Variants in GTF2IRD2 observed in about 807,000 individuals in gnomAD.
The protein encoded by GTF2IRD2 is GTF2I repeat domain containing 2, also known as general transcription factor II-I repeat domain-containing protein 2A.
A neutral mutation model predicts 49.2 loss-of-function variants in GTF2IRD2; 8 were observed. The ratio of observed to expected loss-of-function variants is 0.16; its 90% CI spans 0.10 to 0.29. The LOEUF (loss-of-function observed/expected upper bound fraction) is 0.29. Ranked by LOEUF, GTF2IRD2 falls within the 10% of genes least tolerant of loss-of-function variation. The probability of loss-of-function intolerance (pLI) is 1.00; values close to 1 mark genes in which losing one functional copy is unlikely to be tolerated. For synonymous variants in GTF2IRD2, 47 were observed against 289.7 expected (o/e 0.16, Z 8.51); for missense variants, 130 against 725.7 (o/e 0.18, Z 9.43).
chr7:74,812,578 G>T lies in GTF2IRD2; in HGVS notation c.748+161C>A, dbSNP rs587735497. On this transcript the variant is annotated intron_variant, in intron 9 of 15. Transcript: ENST00000451013. ...AGAGTACGTGGATTTAGGCTAAATAGAATCTATTTTATAACTGTAGGATTA... is the reference window on the plus strand; with the variant it reads ...AGAGTACGTGGATTTAGGCTAAATATAATCTATTTTATAACTGTAGGATTA... Among the ~76,000 whole-genome samples the T allele has an allele frequency of 4.9e-5, 4 of 82,012 alleles. 2 individuals carry two copies. In the South Asian group the frequency reaches 2.2e-3, roughly 46 times the overall value. 53.8% of individuals were successfully genotyped at this position (82,012 alleles called of 152,430 possible).
At chr7:74,800,221 T>C (rs1461417030) in intron 15 of GTF2IRD2, among the ~76,000 whole-genome samples, 15 of 142,414 alleles carry the variant, frequency 1.1e-4, no homozygotes, top group South Asian at 2.2e-4. Context: ...CTTTTCTTTT[T>C]TTTTTTTTTT....
At chr7:74,825,455 C>T (rs1465895674) in intron 3 of GTF2IRD2, among the ~76,000 whole-genome samples, 4 of 119,916 alleles carry the variant, frequency 3.3e-5, no homozygotes, top group African/African-American at 1.3e-4. Context: ...CTATGTTGCC[C>T]AGGCTGGCCT....
At chr7:74,841,520 T>C (rs2131813258) in intron 1 of GTF2IRD2, among the ~76,000 whole-genome samples, 2 of 133,622 alleles carry the variant, frequency 1.5e-5, no homozygotes, top group Admixed American at 1.4e-4. Flanking sequence ...CAGGCTGGAG[T>C]GCAGTGGCTT....
At position 74,806,511 on chromosome 7, in the gene GTF2IRD2, C is replaced by T. The variant is rs1408549756; in HGVS notation, c.949+423G>A. ...ATTTTTAGTAGAGACAGGGTTTCAC[C>T]GTGTTATCCAGGATGGTCTCGATCT... On this transcript the variant is annotated intron_variant, in intron 12 of 15. Coordinates refer to ENST00000451013, the MANE Select transcript of GTF2IRD2 (RefSeq NM_173537.5). Among the ~76,000 whole-genome samples the T allele has an allele frequency of 4.6e-5, 7 of 152,240 alleles. No homozygotes were observed. In the South Asian group the frequency reaches 6.2e-4, roughly 14 times the overall value.
intron 8 of GTF2IRD2, chr7:74,819,260 A>G (rs1373564374): frequency 3.3e-6 from 1 of 300,304 alleles, no homozygotes; most frequent in African/African-American, 2.7e-5. Context: ...TTGCTCTGTC[A>G]CCCAGGCTGG....
intron 11 of GTF2IRD2, among the ~76,000 whole-genome samples, chr7:74,808,152 A>AT (rs1554417389): frequency 1.6e-5 from 1 of 64,424 alleles, no homozygotes; most frequent in African/African-American, 3.6e-5. Context: ...CATGGCTGAT[A>AT]TTTTTGTTAG....
In GTF2IRD2 at chr7:74,841,495, T is replaced by A. The variant is rs1458381511; in HGVS notation, c.-5-5112A>T. ...GCTTTTTTATTTCTAAGAGTCAGAG[T>A]CTCACAATGTCACCCAGGCTGGAGT... On this transcript the variant is annotated intron_variant, in intron 1 of 15. Transcript: ENST00000451013. 1.5e-5 allele frequency among the ~76,000 whole-genome samples: 2 copies of A among 132,288 alleles called. 1 individual carries two copies. The highest frequency in any genetic ancestry group is 3.0e-5 in the Non-Finnish European group (2 of 65,874). The allele number at this position is 132,288 out of a possible 152,430, so 86.8% of individuals were successfully genotyped here.
chr7:74,845,635 C>CA (rs1554422411), intron 1 of GTF2IRD2, among the ~76,000 whole-genome samples: 1 of 151,814 alleles, frequency 6.6e-6, no homozygotes, highest in Non-Finnish European at 1.5e-5. Flanking sequence ...TTGTACATAA[C>CA]AACAAATGGA....
chr7:74,815,861 A>C (rs1333825010), intron 8 of GTF2IRD2, among the ~76,000 whole-genome samples: 1 of 105,366 alleles, frequency 9.5e-6, no homozygotes, highest in Non-Finnish European at 2.0e-5. Flanking sequence ...AAAGAAAGAA[A>C]GAAAGAGAAA....
Position 74,796,884 on chromosome 7 carries a change from C to G in GTF2IRD2, c.2628G>C (p.Thr876=). The change falls in exon 16 of 16, where the codon ACG becomes ACC. Residue 876 remains threonine (T), a synonymous_variant. Coordinates refer to ENST00000451013, the MANE Select transcript of GTF2IRD2 (RefSeq NM_173537.5). ...CCTTGTCGTATTTCGTCTTCAGGAC[C>G]GTGTTGCATTGCAGGTCGATAACCT... ...QMEVIDLQCN[T]VLKTKYDKVG... 3.1e-6 allele frequency: 2 copies of G among 637,262 alleles called. No individual in the cohort carries two copies. Among genetic ancestry groups the G allele is most frequent in the South Asian group, 1.5e-5 (1 of 66,580 alleles). 39.5% of individuals were successfully genotyped at this position (637,262 alleles called of 1,614,324 possible). A position where few individuals can be genotyped will look rare whatever the true frequency, so the allele number is the denominator to read the frequency against.
At chr7:74,826,419 CA>C (rs1799398360) in intron 3 of GTF2IRD2, among the ~76,000 whole-genome samples, 2 of 133,228 alleles carry the variant, frequency 1.5e-5, no homozygotes, top group Non-Finnish European at 3.2e-5. Flanking sequence ...GCCACTACAC[CA>C]GGCTCATTTT....
In GTF2IRD2 at chr7:74,796,298, T is replaced by C; in HGVS notation, c.*364A>G. Reference sequence around the variant, plus strand: ...TCATTTTGTCAGCTGGGCACAGTGGTTCATGCCTGTAATCCCAGCACTTTG... The same window carrying C: ...TCATTTTGTCAGCTGGGCACAGTGGCTCATGCCTGTAATCCCAGCACTTTG... On this transcript the variant is annotated 3_prime_UTR_variant, in exon 16 of 16. Transcript: ENST00000451013. 3.2e-6 allele frequency: 1 copy of C among 316,060 alleles called. No homozygotes were observed. The highest frequency in any genetic ancestry group is 6.1e-6 in the Non-Finnish European group (1 of 163,332). 19.6% of individuals were successfully genotyped at this position (316,060 alleles called of 1,614,324 possible). A position where few individuals can be genotyped will look rare whatever the true frequency, so the allele number is the denominator to read the frequency against.
At chr7:74,829,891 A>AAAACAAACAAAC (rs1176951187) in intron 3 of GTF2IRD2, among the ~76,000 whole-genome samples, 87,987 of 133,908 alleles carry the variant, frequency 0.66, 31,493 homozygotes, top group East Asian at 0.92. Context: ...CTGTCTCAAA[A>AAAACAAACAAAC]AAAAAAAAAA....
chr7:74,822,092 G>A (rs782775021), intron 6 of GTF2IRD2: 5 of 305,904 alleles, frequency 1.6e-5, no homozygotes, highest in Non-Finnish European at 3.1e-5. Context: ...AGTCGCCCAG[G>A]CTGGAGTGCA....
intron 1 of GTF2IRD2, among the ~76,000 whole-genome samples, chr7:74,844,826 C>T (rs1801129292): frequency 1.4e-5 from 1 of 72,974 alleles, no homozygotes; most frequent in Non-Finnish European, 3.0e-5. Flanking sequence ...TAGCTGGGAC[C>T]ACAGGCACGT....
rs1262572532 is a variant in GTF2IRD2, at chr7:74,839,085, C to T, written c.-5-2702G>A. Among the ~76,000 whole-genome samples, 64 of 25,276 alleles carry T rather than the reference C, an allele frequency of 2.5e-3. 30 individuals are homozygous for T. The highest frequency in any genetic ancestry group is 3.1e-3 in the African/African-American group (12 of 3,914). 16.6% of individuals were successfully genotyped at this position (25,276 alleles called of 152,430 possible). ...GATTACAGGCAGGCGCCACCATGCTCGGCTAATTTTTGTATTTTTAGTAGA... is the reference window on the plus strand; with the variant it reads ...GATTACAGGCAGGCGCCACCATGCTTGGCTAATTTTTGTATTTTTAGTAGA... On this transcript the variant is annotated intron_variant, in intron 1 of 15. Transcript: ENST00000451013.
intron 3 of GTF2IRD2, among the ~76,000 whole-genome samples, chr7:74,825,807 T>C (rs1439586599): frequency 3.3e-5 from 5 of 149,924 alleles, no homozygotes; most frequent in Non-Finnish European, 7.4e-5. Flanking sequence ...TTCTTCTTTT[T>C]TTTTTTTTTT....
In GTF2IRD2 at chr7:74,796,377, C is replaced by A; in HGVS notation, c.*285G>T. On this transcript the variant is annotated 3_prime_UTR_variant, in exon 16 of 16. Transcript: ENST00000451013. The stretch of plus-strand genomic sequence containing the variant: ...GTCAGGAGTTGGAGACCAGCCTGGC[C>A]AACATGGTGAAACCTCATCTCTACT... The A allele has an allele frequency of 2.6e-6, 1 of 391,722 alleles. No individual in the cohort carries two copies. Among genetic ancestry groups the A allele is most frequent in the Non-Finnish European group, 4.9e-6 (1 of 204,982 alleles). The allele number at this position is 391,722 out of a possible 1,614,324, so 24.3% of individuals were successfully genotyped here.
intron 15 of GTF2IRD2, chr7:74,799,642 T>C (rs1448201849): frequency 5.7e-6 from 2 of 349,412 alleles, no homozygotes; most frequent in Non-Finnish European, 1.1e-5. Flanking sequence ...GAGTCTCAAA[T>C]GACAAGGGTG....
Sources: gnomAD v4.1 joint callset for allele counts (sites outside exome capture counted in the v4.1 genomes callset) on GRCh38, gnomAD v4.1.1 for gene constraint, MANE v1.5 for transcripts, NCBI Gene and HGNC (gene_info 2026-07-23, HGNC 2026-07-21) for gene names.